EXOC4: variants seen among roughly 807,000 people sequenced by gnomAD.
EXOC4 encodes exocyst complex component 4.
EXOC4 carries 71 observed loss-of-function variants against 107.2 expected under a neutral mutation model. The ratio of observed to expected loss-of-function variants is 0.66; its 90% CI spans 0.55 to 0.81. EXOC4 has a LOEUF of 0.81. Ranked by LOEUF, EXOC4 falls within the 30% of genes least tolerant of loss-of-function variation. EXOC4 has a pLI of 0.00. For missense variants in EXOC4, 1,108 were observed against 1,189.6 expected (o/e 0.93, Z 1.01); for synonymous variants, 456 against 441.2 (o/e 1.03, Z -0.42).
intron 10 of EXOC4, among the ~76,000 whole-genome samples, chr7:133,668,738 C>T (rs1033651568): frequency 2.6e-5 from 4 of 152,118 alleles, no homozygotes; most frequent in Non-Finnish European, 5.9e-5. Context: ...TTATTTAGTC[C>T]ACCTTCCTTT....
At chr7:133,626,454 C>T (rs1041000043) in intron 9 of EXOC4, among the ~76,000 whole-genome samples, 7 of 152,132 alleles carry the variant, frequency 4.6e-5, no homozygotes, top group African/African-American at 1.7e-4. Flanking sequence ...TTTGACTTCT[C>T]ATCTTCAAGA....
intron 14 of EXOC4, among the ~76,000 whole-genome samples, chr7:133,979,970 C>T (rs1377709218): frequency 2.6e-5 from 4 of 152,068 alleles, no homozygotes; most frequent in East Asian, 1.9e-4. Context: ...CCACCTACCT[C>T]ATGCCTGAAG....
chr7:133,865,993 T>G (rs1437614835), intron 11 of EXOC4, among the ~76,000 whole-genome samples: 1 of 152,180 alleles, frequency 6.6e-6, no homozygotes, highest in Non-Finnish European at 1.5e-5. Flanking sequence ...TTATCAATAT[T>G]TTCTCAGAGA....
chr7:133,271,788 C>G (rs1793876881), intron 1 of EXOC4, among the ~76,000 whole-genome samples: 1 of 152,092 alleles, frequency 6.6e-6, no homozygotes, highest in South Asian at 2.1e-4. Context: ...TTGAGGAGCT[C>G]TAGGAGTTTT....
intron 10 of EXOC4, among the ~76,000 whole-genome samples, chr7:133,644,613 A>G (rs1223463257): frequency 6.6e-6 from 1 of 152,146 alleles, no homozygotes; most frequent in Non-Finnish European, 1.5e-5. Flanking sequence ...TGAGGCTTGG[A>G]CAGTTTCTTG....
rs1794316015 is a variant in EXOC4 at position 133,287,794 on chromosome 7, G to A, written c.277-1128G>A. 2.0e-5 allele frequency among the ~76,000 whole-genome samples: 3 copies of A among 152,322 alleles called. No individual in the cohort carries two copies. The Middle Eastern group carries it at 0.01, about 518-fold the overall frequency. ...CTCATATTTTCCGTACTTGTTGGAT[G>A]AATGTTGAAATTTAGTTTTGTAATC... On this transcript the variant is annotated intron_variant, in intron 2 of 17. Coordinates refer to ENST00000253861, the MANE Select transcript of EXOC4 (RefSeq NM_021807.4).
chr7:133,670,685 C>T (rs1793926090), intron 10 of EXOC4, among the ~76,000 whole-genome samples: 1 of 152,130 alleles, frequency 6.6e-6, no homozygotes, highest in South Asian at 2.1e-4. Flanking sequence ...ACAGTATTTG[C>T]CTGACTGAGG....
chr7:133,802,960 G>GA (rs552055238), intron 10 of EXOC4, among the ~76,000 whole-genome samples: 26 of 147,732 alleles, frequency 1.8e-4, no homozygotes, highest in Admixed American at 4.7e-4. Context: ...GGAAATGACA[G>GA]AAAAAAAAAC....
At chr7:133,358,471 G>C (rs976653313) in intron 6 of EXOC4, among the ~76,000 whole-genome samples, 2 of 152,110 alleles carry the variant, frequency 1.3e-5, no homozygotes, top group South Asian at 2.1e-4. Context: ...CAAATTCCAT[G>C]TTCTATGATC....
intron 7 of EXOC4, among the ~76,000 whole-genome samples, chr7:133,392,931 A>G (rs1175453225): frequency 6.6e-6 from 1 of 152,188 alleles, no homozygotes; most frequent in African/African-American, 2.4e-5. Flanking sequence ...TACCTGTACA[A>G]TTCGGACAAA....
chr7:133,683,617 C>T (rs973915774), intron 10 of EXOC4, among the ~76,000 whole-genome samples: 5 of 151,926 alleles, frequency 3.3e-5, no homozygotes, highest in Admixed American at 2.6e-4. Flanking sequence ...TCTAGTAAAG[C>T]CCCCGTTTAA....
At chr7:133,961,242 C>T (rs1800935339) in intron 14 of EXOC4, among the ~76,000 whole-genome samples, 1 of 149,048 alleles carries the variant, frequency 6.7e-6, no homozygotes, top group African/African-American at 2.5e-5. Context: ...CCCCTAGAGC[C>T]TCTGACACTT....
intron 10 of EXOC4, among the ~76,000 whole-genome samples, chr7:133,690,106 C>T (rs1413958410): frequency 6.6e-6 from 1 of 152,044 alleles, no homozygotes; most frequent in Non-Finnish European, 1.5e-5. Context: ...CTCCTGGTTC[C>T]CCAGAAGGTC....
intron 2 of EXOC4, among the ~76,000 whole-genome samples, chr7:133,275,816 CTTTTTTTTTTT>C (rs752074940): frequency 7.2e-6 from 1 of 139,700 alleles, no homozygotes; most frequent in Non-Finnish European, 1.6e-5. Flanking sequence ...CAATTTTTTT[CTTTTTTTTTTT>C]TTTAGAGTTG....
intron 10 of EXOC4, among the ~76,000 whole-genome samples, chr7:133,703,060 T>C (rs542553048): frequency 6.6e-6 from 1 of 152,364 alleles, no homozygotes; most frequent in South Asian, 2.1e-4. Flanking sequence ...ATTCTGAAGA[T>C]ACATCTTTTG....
intron 10 of EXOC4, among the ~76,000 whole-genome samples, chr7:133,767,225 T>C (rs1796157163): frequency 6.6e-6 from 1 of 151,974 alleles, no homozygotes; most frequent in African/African-American, 2.4e-5. Flanking sequence ...CTTTCTTTTC[T>C]ATCACAAGAG....
intron 9 of EXOC4, among the ~76,000 whole-genome samples, chr7:133,549,710 A>C (rs1800550593): frequency 1.3e-5 from 2 of 152,190 alleles, no homozygotes; most frequent in Admixed American, 1.3e-4. Context: ...TAAAAAATGC[A>C]ATAAAGCAAA....
intron 11 of EXOC4, among the ~76,000 whole-genome samples, chr7:133,874,966 C>T (rs1034738844): frequency 1.1e-4 from 17 of 152,182 alleles, no homozygotes; most frequent in African/African-American, 3.9e-4. Flanking sequence ...AAAATAATCA[C>T]ATAAAATGTC....
intron 11 of EXOC4, among the ~76,000 whole-genome samples, chr7:133,820,423 G>T (rs1797492567): frequency 6.6e-6 from 1 of 151,700 alleles, no homozygotes; most frequent in Non-Finnish European, 1.5e-5. Context: ...TCCTCTACAA[G>T]CACAGGGTGA....
Sources: allele counts gnomAD v4.1 joint callset (sites outside exome capture counted in the v4.1 genomes callset), GRCh38; gene constraint gnomAD v4.1.1; transcripts MANE v1.5; gene names NCBI Gene and HGNC (gene_info 2026-07-23, HGNC 2026-07-21).